Variants in CAMTA1 observed in about 807,000 individuals in gnomAD.
CAMTA1 encodes calmodulin-binding transcription activator 1.
A neutral mutation model predicts 170.9 loss-of-function variants in CAMTA1; 27 were observed. That is an observed-to-expected ratio of 0.16 (90% CI 0.12 to 0.22). The LOEUF (loss-of-function observed/expected upper bound fraction) is 0.22. Ranked by LOEUF, CAMTA1 falls within the 10% of genes least tolerant of loss-of-function variation. The pLI is 1.00. For synonymous variants in CAMTA1, 833 were observed against 891.5 expected (o/e 0.93, Z 1.17); for missense variants, 1,619 against 2,217.2 (o/e 0.73, Z 5.42).
intron 5 of CAMTA1, among the ~76,000 whole-genome samples, chr1:7,405,095 C>G (rs2090192955): frequency 6.6e-6 from 1 of 152,034 alleles, no homozygotes; most frequent in Admixed American, 6.5e-5. Context: ...GGAGGCTGGT[C>G]TCTGTGGGCT....
intron 1 of CAMTA1, among the ~76,000 whole-genome samples, chr1:6,808,089 G>C (rs1644732269): frequency 6.6e-6 from 1 of 151,932 alleles, no homozygotes; most frequent in Admixed American, 6.6e-5. Context: ...AGCCAAGAGA[G>C]TACAGGGAGT....
At chr1:7,398,333 G>A (rs6679411) in intron 5 of CAMTA1, among the ~76,000 whole-genome samples, 114,933 of 148,966 alleles carry the variant, frequency 0.77, 45,371 homozygotes, top group African/African-American at 0.91. Flanking sequence ...ATTATATAGC[G>A]AGTGTCTTTT....
chr1:6,895,767 T>C (rs1675501576), intron 3 of CAMTA1, among the ~76,000 whole-genome samples: 1 of 152,226 alleles, frequency 6.6e-6, no homozygotes, highest in African/African-American at 2.4e-5. Flanking sequence ...CCTCAAATGT[T>C]ATATCCTCAG....
At chr1:6,802,707 G>A (rs566524198) in intron 1 of CAMTA1, among the ~76,000 whole-genome samples, 2 of 152,070 alleles carry the variant, frequency 1.3e-5, no homozygotes, top group African/African-American at 4.8e-5. Context: ...TGTAGTAACT[G>A]TCTCAAAGCT....
chr1:7,023,684 C>A (rs965263013), intron 3 of CAMTA1, among the ~76,000 whole-genome samples: 3 of 151,886 alleles, frequency 2.0e-5, no homozygotes, highest in Non-Finnish European at 2.9e-5. Flanking sequence ...ATGCCAAAAC[C>A]CTTCTAATAG....
intron 3 of CAMTA1, among the ~76,000 whole-genome samples, chr1:6,858,724 G>A (rs1417720896): frequency 1.3e-5 from 2 of 152,092 alleles, no homozygotes; most frequent in African/African-American, 4.8e-5. Flanking sequence ...TTATGCATGC[G>A]TGAAGAAGAT....
chr1:7,522,374 G>A (rs1314296360), intron 6 of CAMTA1, among the ~76,000 whole-genome samples: 2 of 152,108 alleles, frequency 1.3e-5, no homozygotes, highest in African/African-American at 4.8e-5. Context: ...TTGAGAGTTT[G>A]TTATTATATT....
At chr1:7,370,718 T>C (rs2086377157) in intron 5 of CAMTA1, among the ~76,000 whole-genome samples, 1 of 152,166 alleles carries the variant, frequency 6.6e-6, no homozygotes, top group African/African-American at 2.4e-5. Context: ...CTCAGATATA[T>C]TTAAAATCAC....
intron 5 of CAMTA1, among the ~76,000 whole-genome samples, chr1:7,279,796 C>CTG (rs1294286612): frequency 1.3e-5 from 2 of 151,868 alleles, no homozygotes; most frequent in Non-Finnish European, 2.9e-5. Flanking sequence ...GTTGGCTTCC[C>CTG]TGTGTCTGTT....
intron 5 of CAMTA1, among the ~76,000 whole-genome samples, chr1:7,301,227 G>A (rs1217192131): frequency 1.3e-5 from 2 of 152,226 alleles, no homozygotes; most frequent in East Asian, 1.9e-4. Flanking sequence ...TTTAAATTAC[G>A]TAAATTGCTC....
chr1:7,124,427 T>G (rs2148483185), intron 4 of CAMTA1, among the ~76,000 whole-genome samples: 1 of 152,342 alleles, frequency 6.6e-6, no homozygotes, highest in East Asian at 1.9e-4. Context: ...TTTCTGATGC[T>G]TTTCTCCACA....
chr1:7,014,049 A>C lies in CAMTA1; in HGVS notation c.235-77255A>C, dbSNP rs1451603190. On this transcript the variant is annotated intron_variant, in intron 3 of 22. Transcript: ENST00000303635. The surrounding 1 kb of genome is among the most constrained non-coding windows in gnomAD (Gnocchi z 4.2). Reference sequence around the variant, plus strand: ...TACAGTTCTTAAAATAGACCAGTCCATGTGGGAGATAGGGAACCTGTCGAG... The same window carrying C: ...TACAGTTCTTAAAATAGACCAGTCCCTGTGGGAGATAGGGAACCTGTCGAG... Among the ~76,000 whole-genome samples the C allele has an allele frequency of 6.6e-6, 1 of 152,216 alleles. No homozygotes were observed. Among genetic ancestry groups the C allele is most frequent in the Non-Finnish European group, 1.5e-5 (1 of 68,026 alleles).
At chr1:6,828,427 G>T (rs2148541069) in intron 3 of CAMTA1, among the ~76,000 whole-genome samples, 1 of 151,616 alleles carries the variant, frequency 6.6e-6, no homozygotes, top group South Asian at 2.1e-4. Context: ...AAGTAGCTGG[G>T]ACTACAGGTG....
In CAMTA1 at chr1:6,970,652, T is replaced by C. The variant is rs192914310; in HGVS notation, c.235-120652T>C. Among the ~76,000 whole-genome samples the C allele has an allele frequency of 2.6e-5, 4 of 152,220 alleles. No individual in the cohort carries two copies. Among genetic ancestry groups the C allele is most frequent in the South Asian group, 2.1e-4 (1 of 4,820 alleles). On this transcript the variant is annotated intron_variant, in intron 3 of 22. Transcript: ENST00000303635. This position sits in a 1 kb window ranked among gnomAD's most constrained non-coding sequence, Gnocchi z 4.4. ...GACAAGCAGGCAATAGTTAGGAATG[T>C]GATCGATGTGCATATCAGAAGCACA...
chr1:7,154,446 C>A (rs1325396335), intron 4 of CAMTA1, among the ~76,000 whole-genome samples: 1 of 152,178 alleles, frequency 6.6e-6, no homozygotes, highest in Non-Finnish European at 1.5e-5. Context: ...TCCTCTGTCC[C>A]CTTTCCAACC....
intron 15 of CAMTA1, 91 bp from the exon 16 acceptor site, chr1:7,737,868 T>A: frequency 7.4e-7 from 1 of 1,351,566 alleles, no homozygotes; most frequent in Middle Eastern, 2.2e-4. Flanking sequence ...GCTTTGCACT[T>A]TGTGTCTCTC....
intron 4 of CAMTA1, among the ~76,000 whole-genome samples, chr1:7,177,982 C>T (rs1651306191): frequency 6.6e-6 from 1 of 151,964 alleles, no homozygotes; most frequent in Non-Finnish European, 1.5e-5. Context: ...CCCCTCCCCA[C>T]GCGTGGAGGC....
In CAMTA1 at chr1:7,264,387, C is replaced by T. The variant is rs546541863; in HGVS notation, c.438+14761C>T. Among the ~76,000 whole-genome samples the T allele has an allele frequency of 5.3e-5, 8 of 152,296 alleles. No individual in the cohort carries two copies. The South Asian group carries it at 1.7e-3, about 32-fold the overall frequency. On this transcript the variant is annotated intron_variant, in intron 5 of 22. Coordinates refer to ENST00000303635, the MANE Select transcript of CAMTA1 (RefSeq NM_015215.4). ...AAGTGCCTGCCGATGGAAGCCATGCCTGTGATACCTGGCACATGCAGTTTC... is the reference window on the plus strand; with the variant it reads ...AAGTGCCTGCCGATGGAAGCCATGCTTGTGATACCTGGCACATGCAGTTTC...
chr1:7,700,018 T>C (rs1316373025), intron 11 of CAMTA1, among the ~76,000 whole-genome samples: 2 of 152,212 alleles, frequency 1.3e-5, no homozygotes, highest in African/African-American at 4.8e-5. Context: ...AGCAAAGAGG[T>C]TTTCAATTTT....
Sources: allele counts gnomAD v4.1 joint callset (sites outside exome capture counted in the v4.1 genomes callset), GRCh38; gene constraint gnomAD v4.1.1; non-coding constraint Gnocchi (gnomAD v3.1); transcripts MANE v1.5; gene names NCBI Gene and HGNC (gene_info 2026-07-23, HGNC 2026-07-21).